The following WWOX variants were observed in gnomAD, a reference collection of about 807,000 sequenced individuals.
The protein encoded by WWOX is WW domain containing oxidoreductase.
WWOX carries 69 observed loss-of-function variants against 46.2 expected under a neutral mutation model. The ratio of observed to expected loss-of-function variants is 1.49; its 90% confidence interval spans 1.23 to 1.82. The LOEUF (loss-of-function observed/expected upper bound fraction) is 1.82. Among genes scored for constraint, WWOX ranks in the 40% most tolerant of loss-of-function variants. The pLI, the probability that WWOX is intolerant of heterozygous loss-of-function variation, is 0.00. For missense variants in WWOX, 919 were observed against 542.6 expected, an observed-to-expected ratio of 1.69 and a Z score of -6.89; for synonymous variants, 359 against 202.6, an observed-to-expected ratio of 1.77 and a Z score of -6.56.
intron 5 of WWOX, among the ~76,000 whole-genome samples, chr16:78,364,371 C>G (rs4077864): frequency 0.52 from 78,580 of 151,982 alleles, 22,052 homozygotes; most frequent in Non-Finnish European, 0.64. Context: ...TGTATCGGTT[C>G]TGATTTATTA....
At chr16:78,748,622 TG>T (rs1223549263) in intron 8 of WWOX, among the ~76,000 whole-genome samples, 1 of 152,196 alleles carries the variant, frequency 6.6e-6, no homozygotes, top group African/African-American at 2.4e-5. Flanking sequence ...AGATGGCAGC[TG>T]CATGAAGTCA....
chr16:79,156,160 TGGAG>T (rs1769588266), intron 8 of WWOX, among the ~76,000 whole-genome samples: 2 of 152,132 alleles, frequency 1.3e-5, no homozygotes, highest in African/African-American at 4.8e-5. Flanking sequence ...GTCTAGCAAT[TGGAG>T]GTTGTTCGTT....
At chr16:78,281,944 A>T (rs9319521) in intron 5 of WWOX, among the ~76,000 whole-genome samples, 1 of 152,016 alleles carries the variant, frequency 6.6e-6, no homozygotes, top group Non-Finnish European at 1.5e-5. Context: ...AATTCTCTCC[A>T]AATGGGGCTG....
At chr16:79,120,386 A>T (rs2049604427) in intron 8 of WWOX, among the ~76,000 whole-genome samples, 1 of 152,214 alleles carries the variant, frequency 6.6e-6, no homozygotes, top group Admixed American at 6.5e-5. Context: ...ATGGGGTAAC[A>T]GTGGGCAATG....
intron 8 of WWOX, among the ~76,000 whole-genome samples, chr16:78,703,103 G>T (rs2048258865): frequency 1.3e-5 from 2 of 152,174 alleles, no homozygotes; most frequent in South Asian, 4.1e-4. Context: ...AGGGCTGCAG[G>T]GACCTTGCTT....
rs574373057 is a variant in WWOX at position 79,147,221 on chromosome 16, G to A, written c.1057-64387G>A. Among the ~76,000 whole-genome samples the A allele has an allele frequency of 5.4e-4, 82 of 152,210 alleles. 1 individual carries two copies. Among genetic ancestry groups the A allele is most frequent in the African/African-American group, 1.7e-3 (70 of 41,532 alleles). The stretch of plus-strand genomic sequence containing the variant: ...GTGCATCACCACAAAATTCCCTTGC[G>A]TTGCCTTGCAAACCACACCCACCTT... On this transcript the variant is annotated intron_variant, in intron 8 of 8. Coordinates refer to ENST00000566780, the MANE Select transcript of WWOX (RefSeq NM_016373.4).
At chr16:78,896,465 G>A (rs947844152) in intron 8 of WWOX, 2 of 152,096 alleles carry the variant, frequency 1.3e-5, no homozygotes, top group Admixed American at 1.3e-4. Context: ...TGTGAGGCCA[G>A]CGTTGCTTCC....
chr16:78,110,403 C>A (rs1250358257), intron 3 of WWOX, among the ~76,000 whole-genome samples: 1 of 149,996 alleles, frequency 6.7e-6, no homozygotes, highest in East Asian at 1.9e-4. Context: ...CCTGCTTTTT[C>A]CATGTAATAT....
At chr16:78,955,196 C>T (rs2046140577) in intron 8 of WWOX, among the ~76,000 whole-genome samples, 1 of 152,170 alleles carries the variant, frequency 6.6e-6, no homozygotes. Flanking sequence ...GGTCAGAGAT[C>T]AGGGCCATAT....
At chr16:78,889,860 A>C (rs900720301) in intron 8 of WWOX, among the ~76,000 whole-genome samples, 1 of 152,200 alleles carries the variant, frequency 6.6e-6, no homozygotes, top group Admixed American at 6.5e-5. Context: ...ATCTGGAGAA[A>C]GTCCATAGTT....
At chr16:78,255,899 CT>C (rs1157547043) in intron 5 of WWOX, among the ~76,000 whole-genome samples, 1 of 152,070 alleles carries the variant, frequency 6.6e-6, no homozygotes, top group African/African-American at 2.4e-5. Context: ...ATCTCATAAT[CT>C]CAGCACTTTG....
At chr16:78,707,891 T>TAAATA (rs1799056908) in intron 8 of WWOX, among the ~76,000 whole-genome samples, 5 of 149,100 alleles carry the variant, frequency 3.4e-5, no homozygotes, top group Admixed American at 1.3e-4. Flanking sequence ...ATAAATAAAG[T>TAAATA]ATCTGTCCCC....
At chr16:78,683,568 A>G (rs1165443136) in intron 8 of WWOX, among the ~76,000 whole-genome samples, 1 of 151,760 alleles carries the variant, frequency 6.6e-6, no homozygotes, top group Non-Finnish European at 1.5e-5. Context: ...TAATAAAAAA[A>G]AAATTACATG....
intron 8 of WWOX, among the ~76,000 whole-genome samples, chr16:79,186,350 GAAC>G (rs2051014617): frequency 6.6e-6 from 1 of 152,216 alleles, no homozygotes; most frequent in Non-Finnish European, 1.5e-5. Context: ...CTTCTCTAGA[GAAC>G]TCTCCTTGCT....
At chr16:78,361,164 T>C (rs1041200955) in intron 5 of WWOX, among the ~76,000 whole-genome samples, 1 of 152,186 alleles carries the variant, frequency 6.6e-6, no homozygotes, top group African/African-American at 2.4e-5. Context: ...TATTTCCTTC[T>C]TTCTGATCTT....
intron 8 of WWOX, among the ~76,000 whole-genome samples, chr16:78,762,338 A>G (rs1320869542): frequency 1.3e-5 from 2 of 152,156 alleles, no homozygotes; most frequent in African/African-American, 2.4e-5. Flanking sequence ...ACAGAATCTC[A>G]GGCCTGACTG....
chr16:79,131,481 G>C (rs1039514454), intron 8 of WWOX, among the ~76,000 whole-genome samples: 1 of 152,096 alleles, frequency 6.6e-6, no homozygotes, highest in Non-Finnish European at 1.5e-5. Flanking sequence ...TTTATGAAAT[G>C]TTAAGCAATA....
chr16:78,773,042 A>G lies in WWOX; in HGVS notation c.1056+340290A>G, dbSNP rs1028603812. ...TTGCAGACCTTGTCTCCAAAGCAAAACAAACAAACAAAAGAAACAAACAAA... is the reference window on the plus strand; with the variant it reads ...TTGCAGACCTTGTCTCCAAAGCAAAGCAAACAAACAAAAGAAACAAACAAA... On this transcript the variant is annotated intron_variant, in intron 8 of 8. Transcript: ENST00000566780. Among the ~76,000 whole-genome samples the G allele has an allele frequency of 3.3e-5, 5 of 152,192 alleles. No homozygotes were observed. The South Asian group carries it at 1.0e-3, about 32-fold the overall frequency.
chr16:78,301,648 C>G (rs1214916258), intron 5 of WWOX, among the ~76,000 whole-genome samples: 2 of 152,110 alleles, frequency 1.3e-5, no homozygotes, highest in Non-Finnish European at 2.9e-5. Flanking sequence ...ATTCAAGTCT[C>G]AGGTTAAAAA....
Sources: gnomAD v4.1 joint callset for allele counts (sites outside exome capture counted in the v4.1 genomes callset) on GRCh38, gnomAD v4.1.1 for gene constraint, MANE v1.5 for transcripts, NCBI Gene and HGNC (gene_info 2026-07-23, HGNC 2026-07-21) for gene names.